Variants in CD44 observed in about 807,000 individuals in gnomAD.
CD44 encodes the protein CD44 molecule (IN blood group), also known as CD44 antigen.
Under a neutral mutation model 88.8 loss-of-function variants are expected in CD44, and 49 were observed. The observed-to-expected ratio is 0.55, with a 90% confidence interval of 0.44 to 0.70. CD44 has a LOEUF of 0.70. Ranked by LOEUF, CD44 falls within the 30% of genes least tolerant of loss-of-function variation. CD44 has a pLI of 0.00. For synonymous variants in CD44, 325 were observed against 312.3 expected (o/e 1.04, Z -0.43); for missense variants, 883 against 913.8 (o/e 0.97, Z 0.43).
chr11:35,219,800 G>A (rs1292427721), intron 16 of CD44, among the ~76,000 whole-genome samples: 1 of 152,202 alleles, frequency 6.6e-6, no homozygotes, highest in African/African-American at 2.4e-5. Flanking sequence ...ATTACAGACA[G>A]GGAGGAGCTA....
intron 9 of CD44, among the ~76,000 whole-genome samples, chr11:35,204,079 A>C (rs995359960): frequency 5.9e-5 from 9 of 152,166 alleles, no homozygotes; most frequent in African/African-American, 2.2e-4. Context: ...CCATTTGAGA[A>C]GGTCTCCTAA....
intron 1 of CD44, among the ~76,000 whole-genome samples, chr11:35,157,671 C>G (rs1221338073): frequency 1.3e-5 from 2 of 152,220 alleles, no homozygotes; most frequent in African/African-American, 4.8e-5. Context: ...CACCCCAGTC[C>G]CTGTACCTGC....
chr11:35,179,509 G>A (rs1944789237), intron 2 of CD44, among the ~76,000 whole-genome samples: 1 of 152,156 alleles, frequency 6.6e-6, no homozygotes, highest in Non-Finnish European at 1.5e-5. Flanking sequence ...CACTCCCAGA[G>A]ATACCTTGGT....
chr11:35,219,621 G>T (rs1326619278), intron 16 of CD44, among the ~76,000 whole-genome samples: 1 of 152,172 alleles, frequency 6.6e-6, no homozygotes. Flanking sequence ...CTCATACTCA[G>T]ATCTGTCCCT....
intron 5 of CD44, among the ~76,000 whole-genome samples, chr11:35,190,910 T>C (rs1946204431): frequency 6.6e-6 from 1 of 152,214 alleles, no homozygotes; most frequent in Non-Finnish European, 1.5e-5. Flanking sequence ...TCCATTCCTT[T>C]GGAGTTTGCC....
chr11:35,204,195 G>A (rs1401949844), intron 9 of CD44, among the ~76,000 whole-genome samples: 2 of 152,166 alleles, frequency 1.3e-5, no homozygotes, highest in Admixed American at 6.6e-5. Flanking sequence ...GGTATGTGAA[G>A]CCATTCACTA....
intron 1 of CD44, chr11:35,139,690 C>G (rs1037440050): frequency 3.4e-6 from 2 of 592,000 alleles, no homozygotes; most frequent in East Asian, 7.5e-5. Flanking sequence ...TGCGCACAGT[C>G]GTTGTCTGGA....
At chr11:35,169,902 A>T (rs1943690841) in intron 1 of CD44, among the ~76,000 whole-genome samples, 1 of 152,174 alleles carries the variant, frequency 6.6e-6, no homozygotes, top group African/African-American at 2.4e-5. Flanking sequence ...TAGAATCCTG[A>T]CTTTCCCACT....
At chr11:35,222,371 G>A in intron 17 of CD44, 1 of 1,272,420 alleles carries the variant, frequency 7.9e-7, no homozygotes, top group East Asian at 5.7e-5. Flanking sequence ...TCTGGGAACT[G>A]TAGTTGAAGA....
At chr11:35,182,832 G>A (rs1368752558) in intron 3 of CD44, among the ~76,000 whole-genome samples, 1 of 152,154 alleles carries the variant, frequency 6.6e-6, no homozygotes, top group Non-Finnish European at 1.5e-5. Flanking sequence ...AATAAATTAT[G>A]TAGTTGCATA....
chr11:35,176,299 C>T (rs1339540886), intron 1 of CD44, among the ~76,000 whole-genome samples: 1 of 152,120 alleles, frequency 6.6e-6, no homozygotes, highest in Non-Finnish European at 1.5e-5. Context: ...GCCTCGGCCT[C>T]CCAAAGTGCT....
intron 10 of CD44, chr11:35,205,683 A>G (rs1947756809): frequency 4.2e-6 from 2 of 471,038 alleles, no homozygotes; most frequent in Non-Finnish European, 5.6e-6. Flanking sequence ...CTGTTACCTG[A>G]TTCCTTTCCT....
intron 17 of CD44, among the ~76,000 whole-genome samples, chr11:35,227,233 T>G (rs4756199): frequency 0.33 from 50,311 of 151,960 alleles, 10,226 homozygotes; most frequent in African/African-American, 0.58. Flanking sequence ...TCACCCAGGC[T>G]GGAATGCAGT....
chr11:35,175,516 G>A (rs1003702238), intron 1 of CD44, among the ~76,000 whole-genome samples: 26 of 152,196 alleles, frequency 1.7e-4, no homozygotes, highest in Admixed American at 7.9e-4. Context: ...TAAAGTACGT[G>A]TGTGCATGTG....
At position 35,189,229 on chromosome 11, in the gene CD44, T is replaced by C. The variant is rs1005920875; in HGVS notation, c.437-606T>C. 1.3e-5 allele frequency among the ~76,000 whole-genome samples: 2 copies of C among 152,226 alleles called. 1 individual carries two copies. Among genetic ancestry groups the C allele is most frequent in the African/African-American group, 4.8e-5 (2 of 41,458 alleles). On this transcript the variant is annotated intron_variant, in intron 4 of 17. Coordinates refer to ENST00000428726, the MANE Select transcript of CD44 (RefSeq NM_000610.4). ...GAATTTCACAGAGAACGGCAAATGCTCTTCTGTATTTAGACCTGCTGGTTT... is the reference window on the plus strand; with the variant it reads ...GAATTTCACAGAGAACGGCAAATGCCCTTCTGTATTTAGACCTGCTGGTTT...
At chr11:35,217,508 C>T (rs767300468) in intron 15 of CD44, among the ~76,000 whole-genome samples, 1 of 152,060 alleles carries the variant, frequency 6.6e-6, no homozygotes, top group African/African-American at 2.4e-5. Context: ...AGGGAAAGGG[C>T]CTTGGACTGT....
intron 4 of CD44, among the ~76,000 whole-genome samples, 180 bp downstream of exon 4, chr11:35,187,080 C>G (rs1212839107): frequency 1.3e-5 from 2 of 151,966 alleles, no homozygotes. Context: ...TGAGACCAGC[C>G]TGAACAATAT....
intron 17 of CD44, 144 bp from the exon 18 acceptor site, chr11:35,228,985 A>G (rs1182885964): frequency 1.5e-6 from 1 of 660,846 alleles, no homozygotes; most frequent in Admixed American, 3.2e-5. Context: ...GTTAAAGTAG[A>G]GAAAACCCCT....
In CD44 at chr11:35,199,751, C is replaced by T. The variant is rs974703443; in HGVS notation, c.923-1331C>T. Among the ~76,000 whole-genome samples, 17 of 151,982 alleles carry T rather than the reference C, an allele frequency of 1.1e-4. 1 individual carries two copies. The highest frequency in any genetic ancestry group is 7.2e-4 in the Admixed American group (11 of 15,266). On this transcript the variant is annotated intron_variant, in intron 7 of 17. Transcript: ENST00000428726. ...AACAAAAACCAAATAATCAAAAACA[C>T]TGGAGTTTTACATTATACTGTCTCC...
Sources: allele counts gnomAD v4.1 joint callset (sites outside exome capture counted in the v4.1 genomes callset), GRCh38; gene constraint gnomAD v4.1.1; transcripts MANE v1.5; gene names NCBI Gene and HGNC (gene_info 2026-07-23, HGNC 2026-07-21).